Variants in TMEM244 observed in about 807,000 individuals in gnomAD.
TMEM244 encodes transmembrane protein 244.
Under a neutral mutation model 15.8 loss-of-function variants are expected in TMEM244, and 13 were observed. The ratio of observed to expected loss-of-function variants is 0.82; its 90% confidence interval spans 0.53 to 1.30. The LOEUF is 1.30. Among genes scored for constraint, TMEM244 ranks in the 50% most tolerant of loss-of-function variants. TMEM244 has a pLI of 0.00. For synonymous variants in TMEM244, 45 were observed against 48.7 expected (o/e 0.92, Z 0.32); for missense variants, 161 against 144.9 (o/e 1.11, Z -0.57).
At chr6:129,831,661 G>A (rs957522701) in intron 4 of TMEM244, among the ~76,000 whole-genome samples, 3 of 152,084 alleles carry the variant, frequency 2.0e-5, no homozygotes, top group East Asian at 1.9e-4. Flanking sequence ...TCCTCGGGCC[G>A]TCCTGAATCC....
chr6:129,831,296 A>T lies in TMEM244; in HGVS notation c.*23T>A, dbSNP rs762546442. ...TATTTCCACAGTTATTCTATTTAAC[A>T]TTATTTCTGTGCATTAGAGAATCTA... is the stretch of plus-strand genomic sequence containing the variant. On this transcript the variant is annotated 3_prime_UTR_variant, in exon 5 of 5. Coordinates refer to ENST00000368143, the MANE Select transcript of TMEM244 (RefSeq NM_001010876.2). 2 of 1,334,614 alleles carry T rather than the reference A, an allele frequency of 1.5e-6. No individual in the cohort carries two copies. The highest frequency in any genetic ancestry group is 2.5e-5 in the South Asian group (2 of 80,982). 82.7% of individuals were successfully genotyped at this position (1,334,614 alleles called of 1,614,324 possible).
chr6:129,857,654 C>A (rs1036379889), intron 1 of TMEM244, among the ~76,000 whole-genome samples: 3 of 152,030 alleles, frequency 2.0e-5, no homozygotes, highest in Non-Finnish European at 4.4e-5. Flanking sequence ...GACACTGCAC[C>A]CAACCCTAAC....
At chr6:129,846,500 C>T (rs548674450) in intron 1 of TMEM244, among the ~76,000 whole-genome samples, 43 of 152,056 alleles carry the variant, frequency 2.8e-4, no homozygotes, top group Non-Finnish European at 5.6e-4. Context: ...AGTGTTGCTG[C>T]CTGAAGAGGT....
At position 129,836,725 on chromosome 6, in the gene TMEM244, T is replaced by C. The variant is rs535229711; in HGVS notation, c.194-3140A>G. On this transcript the variant is annotated intron_variant, in intron 3 of 4. Coordinates refer to ENST00000368143, the MANE Select transcript of TMEM244 (RefSeq NM_001010876.2). ...ACTAGAATAAACAGTGTGGAGATGA[T>C]GTTAAATGACCTGATGGAGCTGAAA... Among the ~76,000 whole-genome samples, 13 of 152,220 alleles carry C rather than the reference T, an allele frequency of 8.5e-5. No homozygotes were observed. In the East Asian group the frequency reaches 2.1e-3, roughly 25 times the overall value.
chr6:129,852,723 T>C (rs1013323966), intron 1 of TMEM244, among the ~76,000 whole-genome samples: 7 of 152,184 alleles, frequency 4.6e-5, no homozygotes, highest in African/African-American at 1.7e-4. Context: ...AACAGGGTTC[T>C]ACTGGGGGTT....
At chr6:129,846,339 G>A (rs1776560592) in intron 1 of TMEM244, among the ~76,000 whole-genome samples, 4 of 152,024 alleles carry the variant, frequency 2.6e-5, no homozygotes. Context: ...TACATACCCA[G>A]AAAACCTACA....
chr6:129,851,659 T>G (rs532276009), intron 1 of TMEM244, among the ~76,000 whole-genome samples: 2 of 152,324 alleles, frequency 1.3e-5, no homozygotes, highest in African/African-American at 4.8e-5. Context: ...AGGACACACC[T>G]TTATTTAGTG....
intron 1 of TMEM244, among the ~76,000 whole-genome samples, chr6:129,848,443 G>A (rs1776590986): frequency 6.6e-6 from 1 of 152,166 alleles, no homozygotes; most frequent in South Asian, 2.1e-4. Flanking sequence ...CCGGGGACAG[G>A]CACCTACTGC....
At chr6:129,843,637 G>T in intron 2 of TMEM244, 34 bp from the exon 3 acceptor site, 1 of 1,487,670 alleles carries the variant, frequency 6.7e-7, no homozygotes, top group Non-Finnish European at 9.4e-7. Context: ...AGTTTACTCT[G>T]AATGAGGCAG....
intron 1 of TMEM244, among the ~76,000 whole-genome samples, chr6:129,854,827 T>C (rs989358273): frequency 2.6e-5 from 4 of 152,166 alleles, no homozygotes; most frequent in African/African-American, 9.7e-5. Flanking sequence ...CCATAATTGC[T>C]AAAAGTAATT....
chr6:129,850,406 A>C (rs992963224), intron 1 of TMEM244, among the ~76,000 whole-genome samples: 1 of 152,150 alleles, frequency 6.6e-6, no homozygotes, highest in African/African-American at 2.4e-5. Context: ...TTGCAATGGA[A>C]ATGGAGAGGA....
At chr6:129,834,031 T>C (rs1313769301) in intron 3 of TMEM244, among the ~76,000 whole-genome samples, 1 of 152,254 alleles carries the variant, frequency 6.6e-6, no homozygotes, top group Non-Finnish European at 1.5e-5. Flanking sequence ...AAGCACTGCC[T>C]AACTTGGAAA....
chr6:129,854,048 T>G (rs1345487652), intron 1 of TMEM244, among the ~76,000 whole-genome samples: 3 of 152,214 alleles, frequency 2.0e-5, no homozygotes, highest in Non-Finnish European at 4.4e-5. Flanking sequence ...CTTCTAGATA[T>G]CGTTTTATGG....
Position 129,861,227 on chromosome 6 carries a change from T to G in TMEM244, c.-39A>C. The G allele has an allele frequency of 6.2e-7, 1 of 1,611,166 alleles. No homozygotes were observed. Among genetic ancestry groups the G allele is most frequent in the Non-Finnish European group, 8.5e-7 (1 of 1,178,016 alleles). On this transcript the variant is annotated 5_prime_UTR_variant, in exon 1 of 5. Transcript: ENST00000368143. ...GTCAAGGAGGTGATGAAAGCCCCAC[T>G]CCTTATAGCGATGACATCTGGAAGA...
intron 3 of TMEM244, 97 bp from the exon 4 acceptor site, chr6:129,833,682 T>A: frequency 3.2e-6 from 4 of 1,257,384 alleles, no homozygotes; most frequent in Non-Finnish European, 4.3e-6. Flanking sequence ...ACTTTGAGAA[T>A]AAATTTTGGT....
intron 1 of TMEM244, among the ~76,000 whole-genome samples, chr6:129,850,817 A>G (rs1357015424): frequency 6.6e-6 from 1 of 152,236 alleles, no homozygotes; most frequent in Non-Finnish European, 1.5e-5. Flanking sequence ...TTTATTTACA[A>G]GACATCTCAA....
chr6:129,841,618 G>A (rs370331405), intron 3 of TMEM244, among the ~76,000 whole-genome samples: 1 of 152,036 alleles, frequency 6.6e-6, no homozygotes. Context: ...TAACTTTCAG[G>A]TCAGTCTGTT....
intron 3 of TMEM244, among the ~76,000 whole-genome samples, chr6:129,843,027 A>G (rs1224638771): frequency 6.6e-6 from 1 of 152,006 alleles, no homozygotes; most frequent in Non-Finnish European, 1.5e-5. Flanking sequence ...CCAAGCAGAA[A>G]TGTACAAAGT....
At chr6:129,859,889 C>G (rs1265078835) in intron 1 of TMEM244, among the ~76,000 whole-genome samples, 7 of 152,098 alleles carry the variant, frequency 4.6e-5, no homozygotes, top group Non-Finnish European at 8.8e-5. Context: ...AATTCTTGTG[C>G]TGATAATATT....
Sources: allele counts gnomAD v4.1 joint callset (sites outside exome capture counted in the v4.1 genomes callset), GRCh38; gene constraint gnomAD v4.1.1; transcripts MANE v1.5; gene names NCBI Gene and HGNC (gene_info 2026-07-23, HGNC 2026-07-21).